The following TMEM138 variants were observed in gnomAD, a reference collection of about 807,000 sequenced individuals.
TMEM138 encodes the protein transmembrane protein 138.
In TMEM138, 9 loss-of-function variants were observed where a neutral mutation model predicts 18.1. That is an observed-to-expected ratio of 0.50 (90% CI 0.30 to 0.87). TMEM138 has a LOEUF of 0.87. Ranked by LOEUF, TMEM138 falls within the 40% of genes least tolerant of loss-of-function variation. The pLI is 0.06. For missense variants in TMEM138, 189 were observed against 190.6 expected (o/e 0.99, Z 0.05); for synonymous variants, 79 against 74.8 (o/e 1.06, Z -0.29).
At chr11:61,371,810 G>C (rs1179664921), downstream of TMEM138, among the ~76,000 whole-genome samples, 1 of 152,172 alleles carries the variant, frequency 6.6e-6, no homozygotes, top group Admixed American at 6.5e-5. Flanking sequence ...GCCCAGAAAG[G>C]CAGGACATCT....
rs909251205 is a variant in TMEM138 at position 61,365,940 on chromosome 11, A to G, written c.129-105A>G. ...TGAGGGTTTAAGATGTCAGATGCCTATCTCACAACAAAGGACAGGCCTCGT... is the reference window on the plus strand; with the variant it reads ...TGAGGGTTTAAGATGTCAGATGCCTGTCTCACAACAAAGGACAGGCCTCGT... On this transcript the variant is annotated intron_variant, in intron 2 of 4. Coordinates refer to ENST00000278826, the MANE Select transcript of TMEM138 (RefSeq NM_016464.5). 5 of 1,378,374 alleles carry G rather than the reference A, an allele frequency of 3.6e-6. No homozygotes were observed. The African/African-American group carries it at 4.4e-5, about 12-fold the overall frequency. 85.4% of individuals were successfully genotyped at this position (1,378,374 alleles called of 1,614,324 possible).
In TMEM138 at chr11:61,368,646, C is replaced by T. The variant is rs781330063; in HGVS notation, c.426C>T (p.Gly142=). Residue 142 remains glycine (G), a synonymous_variant, in exon 5 of 5, where the codon GGC becomes GGT. Transcript: ENST00000278826. ...ATAAACGGACAGCCGTAAGACTAGGCGATCCTCACTTCTACCAGGACTCTT... is the reference window on the plus strand; with the variant it reads ...ATAAACGGACAGCCGTAAGACTAGGTGATCCTCACTTCTACCAGGACTCTT... The part of the protein sequence containing the change: ...YFYKRTAVRL[G]DPHFYQDSLW... 9.3e-6 allele frequency: 15 copies of T among 1,614,046 alleles called. No individual in the cohort carries two copies. The Middle Eastern group carries it at 9.9e-4, about 107-fold the overall frequency.
Position 61,368,861 on chromosome 11 carries a change from C to A in TMEM138, c.*152C>A. ...TTCAGCATTCAAGAAGGAAGATCCTCCCTCTTGCACAATTAGAGTGTCCCC... is the reference window on the plus strand; with the variant it reads ...TTCAGCATTCAAGAAGGAAGATCCTACCTCTTGCACAATTAGAGTGTCCCC... On this transcript the variant is annotated 3_prime_UTR_variant, in exon 5 of 5. Coordinates refer to ENST00000278826, the MANE Select transcript of TMEM138 (RefSeq NM_016464.5). The A allele has an allele frequency of 1.6e-6, 1 of 644,946 alleles. No homozygotes were observed. The highest frequency in any genetic ancestry group is 2.3e-5 in the Admixed American group (1 of 44,134). 40.0% of individuals were successfully genotyped at this position (644,946 alleles called of 1,614,324 possible).
chr11:61,365,873 T>A, intron 2 of TMEM138, 172 bp from the exon 3 acceptor site: 1 of 742,806 alleles, frequency 1.3e-6, no homozygotes, highest in South Asian at 2.8e-5. Flanking sequence ...TAGGTAATTT[T>A]AGCTTCATGT....
chr11:61,367,370 T>G (rs1858191420), intron 3 of TMEM138: 1 of 151,824 alleles, frequency 6.6e-6, no homozygotes, highest in Non-Finnish European at 1.5e-5. Flanking sequence ...TGTCACTTCA[T>G]TATTAAAGCC....
chr11:61,367,465 C>T, intron 3 of TMEM138: 1 of 153,320 alleles, frequency 6.5e-6, no homozygotes, highest in East Asian at 1.9e-4. Context: ...CAAAGCAACA[C>T]CAGAGTCTCC....
At chr11:61,372,998 T>C (rs566749906), downstream of TMEM138, among the ~76,000 whole-genome samples, 59 of 152,184 alleles carry the variant, frequency 3.9e-4, no homozygotes, top group Middle Eastern at 6.8e-3. Flanking sequence ...CATCTGTTTA[T>C]CTGTCTATAT....
At chr11:61,372,606 C>A (rs1375735050), downstream of TMEM138, among the ~76,000 whole-genome samples, 1 of 151,428 alleles carries the variant, frequency 6.6e-6, no homozygotes, top group African/African-American at 2.4e-5. Flanking sequence ...CATGGTGAAA[C>A]CCCGTCTGTA....
chr11:61,373,417 T>C (rs1054813033), downstream of TMEM138, among the ~76,000 whole-genome samples: 8 of 152,232 alleles, frequency 5.3e-5, no homozygotes, highest in Non-Finnish European at 1.2e-4. Context: ...TAAAGGCTTA[T>C]GGAAGTTATA....
In TMEM138 at chr11:61,364,307, C is replaced by A. The variant is rs1000624615; in HGVS notation, c.-84C>A. Reference sequence around the variant, plus strand: ...TCATTCAAAGGAACTAGAAGCCTCTCCCTCAGTGGTAGGGAGACAGCCAGG... The same window carrying A: ...TCATTCAAAGGAACTAGAAGCCTCTACCTCAGTGGTAGGGAGACAGCCAGG... On this transcript the variant is annotated 5_prime_UTR_variant, in exon 2 of 5. Transcript: ENST00000278826. 6.5e-7 allele frequency: 1 copy of A among 1,532,714 alleles called. No individual in the cohort carries two copies. The highest frequency in any genetic ancestry group is 8.9e-7 in the Non-Finnish European group (1 of 1,129,848). 94.9% of individuals were successfully genotyped at this position (1,532,714 alleles called of 1,614,324 possible). A position where few individuals can be genotyped will look rare whatever the true frequency, so the allele number is the denominator to read the frequency against.
chr11:61,373,510 C>CTTT (rs556189963), downstream of TMEM138, among the ~76,000 whole-genome samples: 1 of 142,104 alleles, frequency 7.0e-6, no homozygotes, highest in Admixed American at 7.1e-5. Flanking sequence ...AGGTTTTTAC[C>CTTT]TTTTTTTTTT....
rs1858055157 is a variant in TMEM138, at chr11:61,364,258, G to A, written c.-133G>A. 8 of 1,092,338 alleles carry A rather than the reference G, an allele frequency of 7.3e-6. No individual in the cohort carries two copies. The highest frequency in any genetic ancestry group is 1.1e-5 in the Non-Finnish European group (8 of 760,800). 67.7% of individuals were successfully genotyped at this position (1,092,338 alleles called of 1,614,324 possible). A position where few individuals can be genotyped will look rare whatever the true frequency, so the allele number is the denominator to read the frequency against. On this transcript the variant is annotated 5_prime_UTR_variant, in exon 2 of 5. Coordinates refer to ENST00000278826, the MANE Select transcript of TMEM138 (RefSeq NM_016464.5). ...TATCTTTTTGCTCCAACAGGTGCTT[G>A]CCTTAGAGCAAGGGAAACAGCTCTC...
downstream of TMEM138, among the ~76,000 whole-genome samples, chr11:61,374,820 G>A (rs1172288661): frequency 1.3e-5 from 2 of 152,126 alleles, no homozygotes; most frequent in African/African-American, 4.8e-5. Context: ...GTGGTGGCAG[G>A]TGCCTGTAAT....
rs531091071 is a variant in TMEM138 at position 61,369,498 on chromosome 11, T to C, written c.*789T>C. ...ATAAAAATATTCCCTTAGCCAGCTT[T>C]GGCAAAAGAAATTTTTAAAATTCTT... On this transcript the variant is annotated 3_prime_UTR_variant, in exon 5 of 5. Coordinates refer to ENST00000278826, the MANE Select transcript of TMEM138 (RefSeq NM_016464.5). 9 of 152,374 alleles carry C rather than the reference T, an allele frequency of 5.9e-5. No individual in the cohort carries two copies. Among genetic ancestry groups the C allele is most frequent in the African/African-American group, 2.2e-4 (9 of 41,588 alleles). 9.4% of individuals were successfully genotyped at this position (152,374 alleles called of 1,614,324 possible). A position where few individuals can be genotyped will look rare whatever the true frequency, so the allele number is the denominator to read the frequency against.
At chr11:61,374,067 T>G (rs541420096), downstream of TMEM138, among the ~76,000 whole-genome samples, 4 of 151,654 alleles carry the variant, frequency 2.6e-5, no homozygotes, top group African/African-American at 9.7e-5. Context: ...GGTCTCAAAC[T>G]CCTGAGCTCA....
At chr11:61,365,303 C>T (rs2135155687) in intron 2 of TMEM138, among the ~76,000 whole-genome samples, 1 of 151,758 alleles carries the variant, frequency 6.6e-6, no homozygotes, top group Non-Finnish European at 1.5e-5. Flanking sequence ...GCTGTGTCGC[C>T]AGGCTGGAGT....
At chr11:61,366,471 C>CTTTTTTTT in intron 3 of TMEM138, 1 of 261,218 alleles carries the variant, frequency 3.8e-6, no homozygotes, top group Non-Finnish European at 7.1e-6. Context: ...CTTTTCTTTT[C>CTTTTTTTT]TTTTTTTTTT....
In TMEM138 at chr11:61,368,895, C is replaced by A; in HGVS notation, c.*186C>A. The A allele has an allele frequency of 1.7e-6, 1 of 599,408 alleles. No individual in the cohort carries two copies. Among genetic ancestry groups the A allele is most frequent in the Admixed American group, 2.7e-5 (1 of 37,716 alleles). The allele number at this position is 599,408 out of a possible 1,614,324, so 37.1% of individuals were successfully genotyped here. ...ACAATTAGAGTGTCCCCATCGGTCT[C>A]CAGTGCGGCATCCCTTCCTTGCCTT... On this transcript the variant is annotated 3_prime_UTR_variant, in exon 5 of 5. Coordinates refer to ENST00000278826, the MANE Select transcript of TMEM138 (RefSeq NM_016464.5).
intron 2 of TMEM138, 180 bp downstream of exon 2, chr11:61,364,698 T>A: frequency 1.4e-6 from 1 of 733,384 alleles, no homozygotes; most frequent in Non-Finnish European, 2.1e-6. Context: ...AGGACCAGCC[T>A]AGGCAACATA....
Sources: allele counts gnomAD v4.1 joint callset (sites outside exome capture counted in the v4.1 genomes callset), GRCh38; gene constraint gnomAD v4.1.1; transcripts MANE v1.5; gene names NCBI Gene and HGNC (gene_info 2026-07-23, HGNC 2026-07-21).